The following MACROD2 variants were observed in gnomAD, a reference collection of about 807,000 sequenced individuals.
MACROD2 encodes the protein mono-ADP ribosylhydrolase 2.
In MACROD2, 36 loss-of-function variants were observed where a neutral mutation model predicts 70.4. The ratio of observed to expected loss-of-function variants is 0.51; its 90% CI spans 0.39 to 0.68. The LOEUF (loss-of-function observed/expected upper bound fraction) is 0.68. Among genes scored for constraint, MACROD2 ranks in the 30% least tolerant of loss-of-function variants. The pLI is 0.00. For missense variants in MACROD2, 496 were observed against 538.4 expected, an observed-to-expected ratio of 0.92 and a Z score of 0.78; for synonymous variants, 172 against 178.8, an observed-to-expected ratio of 0.96 and a Z score of 0.30.
Position 15,553,287 on chromosome 20 carries a change from A to C in MACROD2, c.645+53440A>C, listed in dbSNP as rs111621478. Among the ~76,000 whole-genome samples, 127 of 152,264 alleles carry C rather than the reference A, an allele frequency of 8.3e-4. 2 individuals carry two copies. Among genetic ancestry groups the C allele is most frequent in the African/African-American group, 2.9e-3 (122 of 41,554 alleles). ...ATTCTAATGGTGATATGGACAAATC[A>C]TGTCAATTATAATTCAGATTGGGGC... is the stretch of plus-strand genomic sequence containing the variant. On this transcript the variant is annotated intron_variant, in intron 8 of 17. Coordinates refer to ENST00000684519, the MANE Select transcript of MACROD2 (RefSeq NM_001351661.2).
intron 8 of MACROD2, among the ~76,000 whole-genome samples, chr20:15,712,038 C>T (rs2423974): frequency 0.79 from 120,723 of 152,144 alleles, 48,775 homozygotes; most frequent in Non-Finnish European, 0.88. Flanking sequence ...TGAAAAAAGA[C>T]GACAGAACAA....
At chr20:15,149,706 G>A (rs945348804) in intron 5 of MACROD2, among the ~76,000 whole-genome samples, 11 of 152,084 alleles carry the variant, frequency 7.2e-5, no homozygotes, top group Non-Finnish European at 2.9e-5. Context: ...CTGCTGCACG[G>A]AGACATGATG....
At chr20:15,753,569 A>G (rs755611322) in intron 8 of MACROD2, among the ~76,000 whole-genome samples, 3 of 152,214 alleles carry the variant, frequency 2.0e-5, no homozygotes, top group Admixed American at 6.5e-5. Context: ...TAGTGCTGCA[A>G]TGAACATACA....
At chr20:14,469,067 G>A (rs375539423) in intron 3 of MACROD2, among the ~76,000 whole-genome samples, 2 of 152,024 alleles carry the variant, frequency 1.3e-5, no homozygotes, top group South Asian at 2.1e-4. Context: ...GGCTGGTATC[G>A]GTTTTTTCTT....
chr20:15,130,370 C>T (rs955206190), intron 5 of MACROD2, among the ~76,000 whole-genome samples: 1 of 151,858 alleles, frequency 6.6e-6, no homozygotes, highest in Non-Finnish European at 1.5e-5. Context: ...GACTGCATGT[C>T]TGGCTTTGGT....
chr20:15,560,762 C>CAAAAAAAAAAAAAAAAA (rs71190190), intron 8 of MACROD2, among the ~76,000 whole-genome samples: 20 of 22,084 alleles, frequency 9.1e-4, no homozygotes, highest in Non-Finnish European at 1.7e-3. Flanking sequence ...AACAAAGTCT[C>CAAAAAAAAAAAAAAAAA]AAAAAAAAAA....
intron 8 of MACROD2, among the ~76,000 whole-genome samples, chr20:15,748,880 C>T (rs1431015136): frequency 6.6e-6 from 1 of 152,084 alleles, no homozygotes; most frequent in Non-Finnish European, 1.5e-5. Flanking sequence ...GTAAGAAGAG[C>T]AGGCTTTAAT....
chr20:14,900,556 T>A (rs6042982), intron 5 of MACROD2, among the ~76,000 whole-genome samples: 107,937 of 147,154 alleles, frequency 0.73, 38,625 homozygotes, highest in Middle Eastern at 0.83. Flanking sequence ...TTTCTGAGAT[T>A]TTTTTTAAAT....
At chr20:15,066,107 C>CTT (rs1160800067) in intron 5 of MACROD2, among the ~76,000 whole-genome samples, 1 of 138,878 alleles carries the variant, frequency 7.2e-6, no homozygotes, top group Non-Finnish European at 1.7e-5. Flanking sequence ...ACAAGAGCTG[C>CTT]TTTCTTTTTT....
intron 5 of MACROD2, among the ~76,000 whole-genome samples, chr20:15,047,764 G>A (rs1376104013): frequency 1.3e-5 from 2 of 152,202 alleles, no homozygotes; most frequent in East Asian, 3.9e-4. Flanking sequence ...TTTTATTACA[G>A]TGTGATTAGG....
At chr20:14,850,191 A>G (rs949168017) in intron 5 of MACROD2, 15 of 313,238 alleles carry the variant, frequency 4.8e-5, no homozygotes, top group Admixed American at 1.8e-4. Context: ...AACAAAAAGC[A>G]TGAAGATAAG....
intron 15 of MACROD2, among the ~76,000 whole-genome samples, chr20:16,032,342 C>T (rs1442889631): frequency 6.6e-6 from 1 of 151,922 alleles, no homozygotes; most frequent in Non-Finnish European, 1.5e-5. Flanking sequence ...CAAACTTCAG[C>T]GTCATGCAAT....
chr20:15,080,898 G>A (rs544047926), intron 5 of MACROD2, among the ~76,000 whole-genome samples: 16 of 151,492 alleles, frequency 1.1e-4, no homozygotes, highest in East Asian at 5.8e-4. Flanking sequence ...CTTCTTTCTC[G>A]CCTTTTCTCC....
At chr20:15,783,640 A>G (rs1158715242) in intron 8 of MACROD2, among the ~76,000 whole-genome samples, 7 of 152,184 alleles carry the variant, frequency 4.6e-5, no homozygotes, top group Non-Finnish European at 1.0e-4. Flanking sequence ...GGATAAAGAT[A>G]CATTGTTAAT....
At chr20:14,658,804 G>A (rs1215826940) in intron 4 of MACROD2, among the ~76,000 whole-genome samples, 1 of 152,124 alleles carries the variant, frequency 6.6e-6, no homozygotes, top group Non-Finnish European at 1.5e-5. Flanking sequence ...AGTAGAGATG[G>A]TCTTTCACCG....
intron 5 of MACROD2, among the ~76,000 whole-genome samples, chr20:15,076,109 A>G (rs2075655994): frequency 8.1e-6 from 1 of 122,702 alleles, no homozygotes; most frequent in Non-Finnish European, 1.5e-5. Flanking sequence ...GTGAATAAAT[A>G]TATATGTTAT....
intron 5 of MACROD2, among the ~76,000 whole-genome samples, chr20:14,747,684 C>T (rs966533968): frequency 1.3e-5 from 2 of 152,050 alleles, no homozygotes; most frequent in Non-Finnish European, 2.9e-5. Flanking sequence ...AAGGGAGAAT[C>T]TCAGGAGAGC....
intron 5 of MACROD2, among the ~76,000 whole-genome samples, chr20:14,700,255 T>A (rs1398708592): frequency 1.3e-5 from 2 of 152,146 alleles, no homozygotes; most frequent in Non-Finnish European, 2.9e-5. Flanking sequence ...TGGGGAAAAC[T>A]CATTTTTCAC....
chr20:14,064,744 C>T (rs2053735746), intron 2 of MACROD2, among the ~76,000 whole-genome samples: 2 of 152,118 alleles, frequency 1.3e-5, no homozygotes, highest in African/African-American at 2.4e-5. Context: ...TTTTCTTCTA[C>T]TGGTATTTGG....
Sources: allele counts gnomAD v4.1 joint callset (sites outside exome capture counted in the v4.1 genomes callset), GRCh38; gene constraint gnomAD v4.1.1; transcripts MANE v1.5; gene names NCBI Gene and HGNC (gene_info 2026-07-23, HGNC 2026-07-21).